PDZD2: variants seen among roughly 807,000 people sequenced by gnomAD.
The protein encoded by PDZD2 is PDZ domain containing 2, also known as PDZ domain-containing protein 2.
A neutral mutation model predicts 220.7 loss-of-function variants in PDZD2; 90 were observed. That is an observed-to-expected ratio of 0.41 (90% CI 0.34 to 0.49). The LOEUF is 0.49. Among genes scored for constraint, PDZD2 ranks in the 20% least tolerant of loss-of-function variants. PDZD2 has a pLI of 0.28. For synonymous variants in PDZD2, 1,375 were observed against 1,450.5 expected (o/e 0.95, Z 1.18); for missense variants, 3,174 against 3,608.5 (o/e 0.88, Z 3.08).
intron 2 of PDZD2, among the ~76,000 whole-genome samples, chr5:31,833,314 A>G (rs1420654997): frequency 6.6e-6 from 1 of 152,118 alleles, no homozygotes; most frequent in East Asian, 1.9e-4. Flanking sequence ...CAAAAAATAC[A>G]AAAATTAGCC....
At chr5:31,884,227 G>GCATA (rs557964815) in intron 2 of PDZD2, among the ~76,000 whole-genome samples, 246 of 147,586 alleles carry the variant, frequency 1.7e-3, no homozygotes, top group Non-Finnish European at 2.6e-3. Context: ...ATAACTGCAT[G>GCATA]CATGCATACA....
At position 32,098,373 on chromosome 5, in the gene PDZD2, G is replaced by A. The variant is rs879255433; in HGVS notation, c.7957G>A (p.Val2653Met). The A allele has an allele frequency of 3.1e-6, 5 of 1,614,106 alleles. No individual in the cohort carries two copies. Among genetic ancestry groups the A allele is most frequent in the Non-Finnish European group, 4.2e-6 (5 of 1,179,992 alleles). ...CCTTTCCTCATCCCAGGTCCACAGG[G>A]TGTTTTCTCAGGGGGCGGCTTCTCA... Reference protein sequence around the residue: ...VEPKSITVHRVFSQGAASQEG... With the variant: ...VEPKSITVHRMFSQGAASQEG... Residue 2653 changes from valine (V) to methionine (M), a missense_variant, in exon 23 of 25, where the codon GTG becomes ATG. Val to Met is a conservative substitution (Grantham distance 21). Transcript: ENST00000438447. This position sits in a 1 kb window ranked among gnomAD's most constrained non-coding sequence, Gnocchi z 4.1.
chr5:31,705,984 G>A (rs746436243), intron 1 of PDZD2, among the ~76,000 whole-genome samples: 9 of 152,134 alleles, frequency 5.9e-5, no homozygotes, highest in Non-Finnish European at 1.3e-4. Flanking sequence ...CCTGGGAGGC[G>A]GAGGTTGCAG....
At chr5:31,781,364 A>G (rs563389421) in intron 1 of PDZD2, among the ~76,000 whole-genome samples, 1 of 152,322 alleles carries the variant, frequency 6.6e-6, no homozygotes, top group South Asian at 2.1e-4. Flanking sequence ...CAGTGAGCTG[A>G]GATTGTGCCA....
At chr5:32,037,107 CCTT>C (rs1214488466) in intron 6 of PDZD2, 121 bp from the exon 7 acceptor site, 6 of 642,060 alleles carry the variant, frequency 9.3e-6, no homozygotes, top group Admixed American at 2.8e-5. Context: ...ATCCCGTGGT[CCTT>C]CTTCTCACAT....
chr5:31,759,981 G>C (rs545429650), intron 1 of PDZD2, among the ~76,000 whole-genome samples: 1 of 152,328 alleles, frequency 6.6e-6, no homozygotes. Flanking sequence ...GGTTTACACA[G>C]CATCTTCCAA....
At chr5:31,852,894 G>A (rs913035684) in intron 2 of PDZD2, among the ~76,000 whole-genome samples, 1 of 152,172 alleles carries the variant, frequency 6.6e-6, no homozygotes, top group Non-Finnish European at 1.5e-5. Context: ...ACTGCGCCTG[G>A]CCCATACATT....
At chr5:31,983,986 TA>T in intron 3 of PDZD2, among the ~76,000 whole-genome samples, 1 of 152,310 alleles carries the variant, frequency 6.6e-6, no homozygotes, top group Non-Finnish European at 1.5e-5. Context: ...GAGGTCCAGA[TA>T]AAGTACTTCA....
At chr5:32,100,605 G>A in intron 23 of PDZD2, 3 of 343,670 alleles carry the variant, frequency 8.7e-6, no homozygotes, top group Non-Finnish European at 1.7e-5. Context: ...AAGCTCTCTG[G>A]GTTCCTGGGG....
intron 21 of PDZD2, among the ~76,000 whole-genome samples, chr5:32,096,704 C>T (rs927499016): frequency 6.6e-6 from 1 of 152,070 alleles, no homozygotes; most frequent in African/African-American, 2.4e-5. Flanking sequence ...CCTTGATATG[C>T]TCTTATCCTG....
chr5:31,968,107 G>A (rs558748631), intron 2 of PDZD2, among the ~76,000 whole-genome samples: 2 of 152,260 alleles, frequency 1.3e-5, no homozygotes, highest in African/African-American at 4.8e-5. Flanking sequence ...TCATGAGGGT[G>A]GTGCCTTCAT....
At chr5:31,958,197 T>C (rs943244919) in intron 2 of PDZD2, among the ~76,000 whole-genome samples, 1 of 152,178 alleles carries the variant, frequency 6.6e-6, no homozygotes, top group Non-Finnish European at 1.5e-5. Context: ...CTGAAGTAAA[T>C]GAAATGGCAG....
intron 1 of PDZD2, among the ~76,000 whole-genome samples, chr5:31,714,289 G>T (rs1472743727): frequency 6.6e-6 from 1 of 152,222 alleles, no homozygotes; most frequent in Non-Finnish European, 1.5e-5. Flanking sequence ...GATTGAGGTT[G>T]TCAGGCAACC....
intron 2 of PDZD2, among the ~76,000 whole-genome samples, chr5:31,890,751 A>G (rs1422813118): frequency 6.6e-6 from 1 of 152,186 alleles, no homozygotes; most frequent in East Asian, 1.9e-4. Flanking sequence ...GGGCCCCTAA[A>G]TCCAAGGAGG....
chr5:32,025,368 A>G (rs1156556062), intron 6 of PDZD2, among the ~76,000 whole-genome samples: 2 of 151,892 alleles, frequency 1.3e-5, no homozygotes, highest in South Asian at 4.2e-4. Flanking sequence ...TCTACTAAAA[A>G]TACAAAATTA....
chr5:31,812,853 T>TTA (rs1232331288), intron 2 of PDZD2, among the ~76,000 whole-genome samples: 1 of 152,176 alleles, frequency 6.6e-6, no homozygotes, highest in Non-Finnish European at 1.5e-5. Context: ...AGTGCTGGTA[T>TTA]TACAGGAGTG....
At chr5:31,944,682 G>A (rs1050580725) in intron 2 of PDZD2, among the ~76,000 whole-genome samples, 1 of 152,200 alleles carries the variant, frequency 6.6e-6, no homozygotes, top group African/African-American at 2.4e-5. Context: ...TGTTAATTAG[G>A]TGGAAGCTCA....
At chr5:31,910,217 ATT>A (rs70957978) in intron 2 of PDZD2, among the ~76,000 whole-genome samples, 8 of 106,814 alleles carry the variant, frequency 7.5e-5, no homozygotes, top group South Asian at 3.0e-4. Context: ...GAGTTCCTGC[ATT>A]TTTTTTTTTT....
intron 10 of PDZD2, among the ~76,000 whole-genome samples, chr5:32,055,452 C>T (rs1739006832): frequency 6.6e-6 from 1 of 152,178 alleles, no homozygotes. Flanking sequence ...CCACCTCTGC[C>T]TCCCAAAGTG....
Sources: allele counts gnomAD v4.1 joint callset (sites outside exome capture counted in the v4.1 genomes callset), GRCh38; gene constraint gnomAD v4.1.1; non-coding constraint Gnocchi (gnomAD v3.1); transcripts MANE v1.5; gene names NCBI Gene and HGNC (gene_info 2026-07-23, HGNC 2026-07-21).